The following GLIS1 variants were observed in gnomAD, a reference collection of about 807,000 sequenced individuals.
GLIS1 encodes the protein zinc finger protein GLIS1.
Under a neutral mutation model 63.8 loss-of-function variants are expected in GLIS1, and 24 were observed. The ratio of observed to expected loss-of-function variants is 0.38; its 90% CI spans 0.27 to 0.53. GLIS1 has a LOEUF of 0.53. Among genes scored for constraint, GLIS1 ranks in the 20% least tolerant of loss-of-function variants. GLIS1 has a pLI of 0.85. For missense variants in GLIS1, 1,036 were observed against 1,074.1 expected (o/e 0.96, Z 0.50); for synonymous variants, 450 against 482.5 (o/e 0.93, Z 0.88).
intron 4 of GLIS1, among the ~76,000 whole-genome samples, chr1:53,559,135 C>T (rs4575030): frequency 0.47 from 71,219 of 152,040 alleles, 17,168 homozygotes; most frequent in East Asian, 0.75. Flanking sequence ...TTCTTAAAAA[C>T]AGTAACTCAG....
intron 4 of GLIS1, among the ~76,000 whole-genome samples, chr1:53,576,092 GT>G (rs1038411743): frequency 2.7e-5 from 4 of 147,482 alleles, no homozygotes; most frequent in African/African-American, 7.5e-5. Context: ...TTTCCTACCC[GT>G]CCCCCTCACC....
At chr1:53,731,191 C>T (rs1646856578) in intron 2 of GLIS1, among the ~76,000 whole-genome samples, 1 of 152,150 alleles carries the variant, frequency 6.6e-6, no homozygotes, top group Non-Finnish European at 1.5e-5. Context: ...GAGAAGCGGT[C>T]CCTCCTAGGG....
chr1:53,607,044 C>T (rs902316070), intron 2 of GLIS1, among the ~76,000 whole-genome samples: 2 of 152,138 alleles, frequency 1.3e-5, no homozygotes, highest in African/African-American at 2.4e-5. Context: ...TAAACACAGC[C>T]AGGGGCCAGC....
chr1:53,707,542 C>T (rs963933529), intron 2 of GLIS1, among the ~76,000 whole-genome samples: 1 of 151,648 alleles, frequency 6.6e-6, no homozygotes, highest in African/African-American at 2.4e-5. Flanking sequence ...CCCAGCTACT[C>T]GGGAGACTGA....
intron 2 of GLIS1, among the ~76,000 whole-genome samples, chr1:53,666,689 G>A (rs1218359537): frequency 1.3e-5 from 2 of 152,122 alleles, no homozygotes; most frequent in Non-Finnish European, 2.9e-5. Flanking sequence ...GAGGCAGTGA[G>A]CCCAGACAAG....
intron 2 of GLIS1, among the ~76,000 whole-genome samples, chr1:53,709,357 T>C (rs201992509): frequency 0.018 from 1,559 of 89,084 alleles, 35 homozygotes; most frequent in African/African-American, 0.038. Context: ...TACATATATA[T>C]ACATATACAT....
intron 2 of GLIS1, among the ~76,000 whole-genome samples, chr1:53,693,696 C>T (rs1028113228): frequency 6.6e-6 from 1 of 152,176 alleles, no homozygotes; most frequent in Admixed American, 6.5e-5. Context: ...AGCAGGCGCT[C>T]TGGCGGCACT....
At chr1:53,590,980 G>C (rs977626044) in intron 4 of GLIS1, among the ~76,000 whole-genome samples, 1 of 152,242 alleles carries the variant, frequency 6.6e-6, no homozygotes, top group African/African-American at 2.4e-5. Flanking sequence ...GAGTGTTCCA[G>C]TGGGATGGGA....
At chr1:53,730,672 G>T (rs921886949) in intron 2 of GLIS1, among the ~76,000 whole-genome samples, 1 of 152,172 alleles carries the variant, frequency 6.6e-6, no homozygotes, top group Non-Finnish European at 1.5e-5. Context: ...ACAGCGGCAC[G>T]TAGGAAGGCA....
Position 53,506,667 on chromosome 1 carries a change from G to GT in GLIS1, c.2339_2340insA (p.Phe781LeufsTer2). On this transcript the variant is annotated frameshift_variant, in exon 11 of 11. Coordinates refer to ENST00000628545, the MANE Select transcript of GLIS1 (RefSeq NM_001367484.1). LOFTEE classifies it high-confidence loss of function. ...GGATGTGGCCCAGGCAGTGGTCAAA[G>GT]GCTCCATTGGGGAAGAAGCCACAGT... 6.2e-7 allele frequency: 1 copy of GT among 1,613,468 alleles called. No homozygotes were observed. The highest frequency in any genetic ancestry group is 8.5e-7 in the Non-Finnish European group (1 of 1,179,944).
At position 53,547,255 on chromosome 1, in the gene GLIS1, G is replaced by A. The variant is rs189931844; in HGVS notation, c.1321-17303C>T. ...TCAAGGCTGCCCAGTACATGTCAGT[G>A]GTGACACAGAGACAGAGAGCCAGGG... On this transcript the variant is annotated intron_variant, in intron 4 of 10. Transcript: ENST00000628545. 3.3e-3 allele frequency among the ~76,000 whole-genome samples: 499 copies of A among 152,366 alleles called. 3 individuals carry two copies. Among genetic ancestry groups the A allele is most frequent in the African/African-American group, 0.012 (485 of 41,588 alleles).
intron 2 of GLIS1, among the ~76,000 whole-genome samples, chr1:53,643,652 G>A (rs919078540): frequency 1.3e-5 from 2 of 152,198 alleles, no homozygotes; most frequent in African/African-American, 2.4e-5. Context: ...AGTTATGGAA[G>A]CTCTCTCTGC....
chr1:53,586,235 T>A (rs1645133453), intron 4 of GLIS1, among the ~76,000 whole-genome samples: 1 of 152,128 alleles, frequency 6.6e-6, no homozygotes, highest in Non-Finnish European at 1.5e-5. Flanking sequence ...TAAGCCAAGA[T>A]CTGTGGAGCT....
chr1:53,581,506 G>T, intron 4 of GLIS1, among the ~76,000 whole-genome samples: 1 of 152,196 alleles, frequency 6.6e-6, no homozygotes, highest in Non-Finnish European at 1.5e-5. Flanking sequence ...TGGAGATACA[G>T]AGGGAACAAA....
Position 53,526,355 on chromosome 1 carries a change from T to TGCC in GLIS1, c.1483-1471_1483-1469dup, listed in dbSNP as rs1257062776. ...GAAAGAGACGACCATACCTTGGTGC[T>TGCC]GCCATGGAGAGTTGCCAGATTAAAG... is the stretch of plus-strand genomic sequence containing the variant. On this transcript the variant is annotated intron_variant, in intron 5 of 10. Coordinates refer to ENST00000628545, the MANE Select transcript of GLIS1 (RefSeq NM_001367484.1). The surrounding 1 kb of genome is among the most constrained non-coding windows in gnomAD (Gnocchi z 4.4). 6.6e-6 allele frequency among the ~76,000 whole-genome samples: 1 copy of TGCC among 152,170 alleles called. No individual in the cohort carries two copies. The highest frequency in any genetic ancestry group is 1.5e-5 in the Non-Finnish European group (1 of 68,022).
At position 53,703,342 on chromosome 1, in the gene GLIS1, A is replaced by G. The variant is rs556216248; in HGVS notation, c.259+34464T>C. Among the ~76,000 whole-genome samples, 10 of 152,318 alleles carry G rather than the reference A, an allele frequency of 6.6e-5. No homozygotes were observed. In the East Asian group the frequency reaches 1.9e-3, roughly 29 times the overall value. On this transcript the variant is annotated intron_variant, in intron 2 of 10. Coordinates refer to ENST00000628545, the MANE Select transcript of GLIS1 (RefSeq NM_001367484.1). ...AGGCCCTGGCACCTAGAGCTGCTCA[A>G]AAGCATGAGTCAGGCCAGGTGCAGT...
At chr1:53,625,542 C>T (rs544117403) in intron 2 of GLIS1, among the ~76,000 whole-genome samples, 2 of 152,200 alleles carry the variant, frequency 1.3e-5, no homozygotes, top group Non-Finnish European at 2.9e-5. Context: ...ATTCAAAAAA[C>T]ATTGATTGCA....
intron 2 of GLIS1, among the ~76,000 whole-genome samples, chr1:53,630,567 C>T (rs886270209): frequency 1.3e-5 from 2 of 151,792 alleles, no homozygotes; most frequent in African/African-American, 4.8e-5. Flanking sequence ...ACAATCTTGG[C>T]TCACTGCAAC....
chr1:53,583,580 T>C, intron 4 of GLIS1, among the ~76,000 whole-genome samples: 1 of 152,174 alleles, frequency 6.6e-6, no homozygotes, highest in East Asian at 1.9e-4. Flanking sequence ...TGGCAGGACC[T>C]ATCAAGGGAA....
Sources: gnomAD v4.1 joint callset for allele counts (sites outside exome capture counted in the v4.1 genomes callset) on GRCh38, gnomAD v4.1.1 for gene constraint, Gnocchi (gnomAD v3.1) non-coding constraint, MANE v1.5 for transcripts, NCBI Gene and HGNC (gene_info 2026-07-23, HGNC 2026-07-21) for gene names.